OLA1: variants seen among roughly 807,000 people sequenced by gnomAD.
The protein encoded by OLA1 is obg-like ATPase 1.
OLA1 carries 14 observed loss-of-function variants against 48.4 expected under a neutral mutation model. The ratio of observed to expected loss-of-function variants is 0.29; its 90% CI spans 0.19 to 0.45. The LOEUF is 0.45. Ranked by LOEUF, OLA1 falls within the 20% of genes least tolerant of loss-of-function variation. The probability of loss-of-function intolerance (pLI) is 1.00; values close to 1 mark genes in which losing one functional copy is unlikely to be tolerated. For missense variants in OLA1, 325 were observed against 467.1 expected (o/e 0.70, Z 2.80); for synonymous variants, 127 against 150.4 (o/e 0.84, Z 1.14).
intron 7 of OLA1, among the ~76,000 whole-genome samples, chr2:174,096,073 A>G (rs547820398): frequency 6.6e-6 from 1 of 152,244 alleles, no homozygotes; most frequent in Non-Finnish European, 1.5e-5. Flanking sequence ...GACAATAAGT[A>G]GTATATCCAT....
At chr2:174,177,354 T>A (rs1042114955) in intron 4 of OLA1, among the ~76,000 whole-genome samples, 3 of 152,132 alleles carry the variant, frequency 2.0e-5, no homozygotes, top group African/African-American at 7.2e-5. Context: ...GAAGCTGTGG[T>A]GATCTCAAGT....
intron 7 of OLA1, among the ~76,000 whole-genome samples, chr2:174,121,527 C>T (rs548658915): frequency 6.6e-6 from 1 of 152,080 alleles, no homozygotes; most frequent in Non-Finnish European, 1.5e-5. Flanking sequence ...ACCCTCCCCC[C>T]AAGACATACA....
chr2:174,246,655 T>C, intron 2 of OLA1, 60 bp downstream of exon 2: 23 of 1,135,514 alleles, frequency 2.0e-5, no homozygotes, highest in Non-Finnish European at 3.0e-5. Flanking sequence ...TTCCCATTTC[T>C]ACAATAGGAC....
intron 4 of OLA1, among the ~76,000 whole-genome samples, chr2:174,199,878 A>G (rs1687954593): frequency 6.6e-6 from 1 of 152,178 alleles, no homozygotes; most frequent in South Asian, 2.1e-4. Context: ...TTCTAACCAC[A>G]TATCTGAGGC....
chr2:174,231,084 C>T (rs1329765746), intron 2 of OLA1, among the ~76,000 whole-genome samples: 1 of 152,106 alleles, frequency 6.6e-6, no homozygotes, highest in African/African-American at 2.4e-5. Context: ...CCAGTTTTCC[C>T]ACTGGGGATA....
intron 5 of OLA1, among the ~76,000 whole-genome samples, chr2:174,129,885 C>T (rs1057160887): frequency 2.0e-5 from 3 of 152,096 alleles, no homozygotes; most frequent in Non-Finnish European, 4.4e-5. Context: ...ATTATAACTT[C>T]CAAGTTATAC....
At chr2:174,176,238 A>C (rs1350037801) in intron 4 of OLA1, among the ~76,000 whole-genome samples, 1 of 152,110 alleles carries the variant, frequency 6.6e-6, no homozygotes, top group African/African-American at 2.4e-5. Context: ...ATATACATAC[A>C]TTATCTTTGA....
intron 4 of OLA1, among the ~76,000 whole-genome samples, chr2:174,210,524 C>T (rs1234143301): frequency 6.6e-6 from 1 of 152,052 alleles, no homozygotes; most frequent in Admixed American, 6.6e-5. Context: ...AAAACCAAAA[C>T]TGTCTACTCA....
chr2:174,169,689 G>A (rs1486104696), intron 4 of OLA1, among the ~76,000 whole-genome samples: 1 of 152,148 alleles, frequency 6.6e-6, no homozygotes, highest in Non-Finnish European at 1.5e-5. Context: ...AAAGTTAAAA[G>A]AAATGATAAG....
intron 4 of OLA1, among the ~76,000 whole-genome samples, chr2:174,163,746 AT>A (rs1324490229): frequency 4.2e-5 from 2 of 47,564 alleles, no homozygotes; most frequent in South Asian, 1.8e-3. Context: ...ATATATATAT[AT>A]ATATATATAT....
At chr2:174,087,337 T>G (rs945580670) in intron 7 of OLA1, among the ~76,000 whole-genome samples, 9 of 152,064 alleles carry the variant, frequency 5.9e-5, no homozygotes, top group African/African-American at 9.7e-5. Context: ...CTATTGTATA[T>G]TCTAAAACTA....
intron 4 of OLA1, among the ~76,000 whole-genome samples, chr2:174,189,172 G>T (rs1379285468): frequency 6.6e-6 from 1 of 151,992 alleles, no homozygotes; most frequent in Non-Finnish European, 1.5e-5. Flanking sequence ...TAGGATCTAG[G>T]TCTCAGTGCA....
chr2:174,102,226 G>C (rs1325316101), intron 7 of OLA1, among the ~76,000 whole-genome samples: 1 of 151,976 alleles, frequency 6.6e-6, no homozygotes, highest in Non-Finnish European at 1.5e-5. Flanking sequence ...TGGAAGGTGA[G>C]GTCCTGCAGT....
rs1213237581 is a variant in OLA1, at chr2:174,125,912, G to A, written c.550-2237C>T. On this transcript the variant is annotated intron_variant, in intron 5 of 10. Transcript: ENST00000284719. ...ATTTATATATTATAACCTAGTTTTT[G>A]GACAGTTGAAATAAAAACATTTTGT... Among the ~76,000 whole-genome samples, 11 of 152,026 alleles carry A rather than the reference G, an allele frequency of 7.2e-5. No homozygotes were observed. In the South Asian group the frequency reaches 2.3e-3, roughly 32 times the overall value.
At chr2:174,178,033 C>T (rs1189691373) in intron 4 of OLA1, among the ~76,000 whole-genome samples, 2 of 151,894 alleles carry the variant, frequency 1.3e-5, no homozygotes, top group South Asian at 2.1e-4. Context: ...ATATACTAGC[C>T]CTATTTTTAA....
chr2:174,144,951 A>AATATATATATATATATAT (rs71021672), intron 4 of OLA1, among the ~76,000 whole-genome samples: 11 of 40,288 alleles, frequency 2.7e-4, no homozygotes, highest in Non-Finnish European at 3.2e-4. Context: ...AAAAAAAAAA[A>AATATATATATATATATAT]ATATATATAT....
intron 4 of OLA1, among the ~76,000 whole-genome samples, chr2:174,146,553 T>G (rs1686605156): frequency 6.6e-6 from 1 of 152,154 alleles, no homozygotes; most frequent in Non-Finnish European, 1.5e-5. Context: ...GTGTTTAAAG[T>G]AACAAATCTG....
chr2:174,247,676 C>T lies in OLA1; in HGVS notation c.-1+776G>A. ...CACATAGATGAACACCCACCAGGTA[C>T]TGGGGTCCTTCCACCAAGTCCCTCC... On this transcript the variant is annotated intron_variant, in intron 1 of 10. Coordinates refer to ENST00000284719, the MANE Select transcript of OLA1 (RefSeq NM_013341.5). 5.2e-6 allele frequency: 8 copies of T among 1,551,132 alleles called. No individual in the cohort carries two copies. In the South Asian group the frequency reaches 5.9e-5, roughly 12 times the overall value.
intron 4 of OLA1, among the ~76,000 whole-genome samples, chr2:174,222,132 G>A (rs71417463): frequency 0.13 from 19,641 of 152,120 alleles, 1,462 homozygotes; most frequent in East Asian, 0.21. Flanking sequence ...GCACCAACCT[G>A]ATTCTAGGCA....
Sources: allele counts gnomAD v4.1 joint callset (sites outside exome capture counted in the v4.1 genomes callset), GRCh38; gene constraint gnomAD v4.1.1; transcripts MANE v1.5; gene names NCBI Gene and HGNC (gene_info 2026-07-23, HGNC 2026-07-21).